The following SOX5 variants were observed in gnomAD, a reference collection of about 807,000 sequenced individuals.
The protein encoded by SOX5 is transcription factor SOX-5.
In SOX5, 9 loss-of-function variants were observed where a neutral mutation model predicts 92.0. That is an observed-to-expected ratio of 0.10 (90% CI 0.06 to 0.17). The LOEUF is 0.17. SOX5 is among the 10% of genes least tolerant of loss of function. SOX5 has a pLI of 1.00. For synonymous variants in SOX5, 344 were observed against 336.3 expected, an observed-to-expected ratio of 1.02 and a Z score of -0.25; for missense variants, 642 against 944.5, an observed-to-expected ratio of 0.68 and a Z score of 4.20.
intron 3 of SOX5, among the ~76,000 whole-genome samples, chr12:24,273,610 T>G (rs186711406): frequency 9.2e-5 from 14 of 152,338 alleles, no homozygotes; most frequent in African/African-American, 3.4e-4. Flanking sequence ...GTTTGAAACA[T>G]TTATTCACCT....
intron 4 of SOX5, among the ~76,000 whole-genome samples, chr12:23,970,840 A>ATTTTT: frequency 1.5e-4 from 5 of 33,478 alleles, no homozygotes; most frequent in African/African-American, 4.1e-4. Context: ...ATATATATAT[A>ATTTTT]ATTTTTTTTT....
At chr12:24,235,632 T>C (rs79087694) in intron 3 of SOX5, among the ~76,000 whole-genome samples, 5,916 of 152,314 alleles carry the variant, frequency 0.039, 123 homozygotes, top group Middle Eastern at 0.054. Context: ...AACGTTTATC[T>C]TCTTAAGAAA....
chr12:23,886,228 T>C (rs897482806), intron 2 of SOX5, among the ~76,000 whole-genome samples: 4 of 152,192 alleles, frequency 2.6e-5, no homozygotes, highest in African/African-American at 9.6e-5. Context: ...TTGAAAGCCA[T>C]ATGAATATGA....
intron 1 of SOX5, among the ~76,000 whole-genome samples, chr12:24,511,049 C>T (rs1285777060): frequency 6.6e-6 from 1 of 152,106 alleles, no homozygotes. Context: ...TTCTGCGGGA[C>T]CAGGGAATGT....
At position 23,604,405 on chromosome 12, in the gene SOX5, G is replaced by A. The variant is rs372480856; in HGVS notation, c.1146C>T (p.Ser382=). ...TSIHTDKSTN[S]PPPKSKDEVA... is the part of the protein sequence containing the mutation. ...AGGGTACCTTGCTTTTGGGTGGTGG[G>A]CTGTTTGTGCTCTTGTCTGTGTGAA... Residue 382 remains serine (S), a synonymous_variant, in exon 9 of 15, where the codon AGC becomes AGT. Coordinates refer to ENST00000451604, the MANE Select transcript of SOX5 (RefSeq NM_006940.6). The A allele has an allele frequency of 5.0e-6, 8 of 1,613,484 alleles. No individual in the cohort carries two copies. In the African/African-American group the frequency reaches 1.1e-4, roughly 22 times the overall value.
chr12:24,203,788 C>T (rs369459847), intron 4 of SOX5, among the ~76,000 whole-genome samples: 38 of 152,218 alleles, frequency 2.5e-4, no homozygotes, highest in Admixed American at 1.2e-3. Flanking sequence ...AGAGTATAAA[C>T]GCCAATTACT....
intron 4 of SOX5, among the ~76,000 whole-genome samples, chr12:23,970,174 A>C (rs990275899): frequency 2.0e-5 from 3 of 152,124 alleles, no homozygotes; most frequent in African/African-American, 7.2e-5. Context: ...AAAAAGGAAA[A>C]ATAATGACTC....
At chr12:23,592,698 T>C (rs12231323) in intron 9 of SOX5, among the ~76,000 whole-genome samples, 4,579 of 152,302 alleles carry the variant, frequency 0.03, 108 homozygotes, top group Non-Finnish European at 0.044. Flanking sequence ...AAATTTAATA[T>C]TGATAAGCTG....
At chr12:24,211,864 AAAC>A (rs1212201236) in intron 4 of SOX5, among the ~76,000 whole-genome samples, 3 of 152,242 alleles carry the variant, frequency 2.0e-5, no homozygotes, top group East Asian at 1.9e-4. Flanking sequence ...TGTGAAAGCC[AAAC>A]AACAAGTGTA....
upstream of SOX5, among the ~76,000 whole-genome samples, chr12:23,954,782 T>C (rs973619844): frequency 1.3e-5 from 2 of 152,042 alleles, no homozygotes; most frequent in African/African-American, 2.4e-5. Flanking sequence ...TGTTCTCAGA[T>C]TGCATATTTG....
intron 8 of SOX5, among the ~76,000 whole-genome samples, chr12:23,614,222 A>T (rs745752945): frequency 1.3e-5 from 2 of 152,238 alleles, no homozygotes; most frequent in Non-Finnish European, 2.9e-5. Flanking sequence ...CAGAAGGAAC[A>T]TCACGTGCAA....
intron 4 of SOX5, among the ~76,000 whole-genome samples, chr12:24,139,096 G>T (rs1452170737): frequency 6.6e-6 from 1 of 152,098 alleles, no homozygotes; most frequent in Non-Finnish European, 1.5e-5. Context: ...TTGTCAGAAA[G>T]AATTAATTTT....
At chr12:23,537,934 T>G (rs1349476069) in intron 13 of SOX5, among the ~76,000 whole-genome samples, 1 of 119,668 alleles carries the variant, frequency 8.4e-6, no homozygotes, top group Non-Finnish European at 1.8e-5. Context: ...CAGCCCTCAG[T>G]AGTAATAGCG....
chr12:24,531,567 C>T (rs1368825691), intron 1 of SOX5, among the ~76,000 whole-genome samples: 3 of 152,086 alleles, frequency 2.0e-5, no homozygotes, highest in Admixed American at 6.5e-5. Context: ...TAAGTGTGGT[C>T]CTTCAAAGAA....
chr12:23,701,987 T>TC (rs2090700764), intron 6 of SOX5, among the ~76,000 whole-genome samples: 1 of 152,088 alleles, frequency 6.6e-6, no homozygotes, highest in East Asian at 1.9e-4. Context: ...ATGAGTATTC[T>TC]AGTAGCAAAA....
chr12:24,186,429 G>A lies in SOX5; in HGVS notation c.-2+26914C>T, dbSNP rs968648199. Among the ~76,000 whole-genome samples, 9 of 152,114 alleles carry A rather than the reference G, an allele frequency of 5.9e-5. No homozygotes were observed. The East Asian group carries it at 1.2e-3, about 20-fold the overall frequency. On this transcript the variant is annotated intron_variant, in intron 4 of 4. Transcript: ENST00000446891. ...ATCTGCTGTTTAACTTATTCTACAAGGATTTGATAGTTCACTCAACACAAG... is the reference window on the plus strand; with the variant it reads ...ATCTGCTGTTTAACTTATTCTACAAAGATTTGATAGTTCACTCAACACAAG...
intron 3 of SOX5, among the ~76,000 whole-genome samples, chr12:23,762,945 C>G (rs148774800): frequency 3.8e-4 from 58 of 152,280 alleles, no homozygotes; most frequent in Non-Finnish European, 6.9e-4. Context: ...CACTCTATCA[C>G]TCACAAAGTA....
At chr12:23,648,683 G>C (rs996243360) in intron 7 of SOX5, among the ~76,000 whole-genome samples, 5 of 151,248 alleles carry the variant, frequency 3.3e-5, no homozygotes, top group Non-Finnish European at 4.5e-5. Flanking sequence ...TCTGATCTCA[G>C]CTATACAGCA....
At chr12:24,542,872 C>G (rs2025058045) in intron 1 of SOX5, among the ~76,000 whole-genome samples, 1 of 152,182 alleles carries the variant, frequency 6.6e-6, no homozygotes, top group Admixed American at 6.5e-5. Context: ...AAGGTCTCCT[C>G]CATTTTTAAT....
Sources: allele counts gnomAD v4.1 joint callset (sites outside exome capture counted in the v4.1 genomes callset), GRCh38; gene constraint gnomAD v4.1.1; transcripts MANE v1.5; gene names NCBI Gene and HGNC (gene_info 2026-07-23, HGNC 2026-07-21).